The following USO1 variants were observed in gnomAD, a reference collection of about 807,000 sequenced individuals.
The protein encoded by USO1 is USO1 vesicle transport factor.
Under a neutral mutation model 124.5 loss-of-function variants are expected in USO1, and 57 were observed. The observed-to-expected ratio is 0.46, with a 90% CI of 0.37 to 0.57. The LOEUF (loss-of-function observed/expected upper bound fraction) is 0.57. Among genes scored for constraint, USO1 ranks in the 20% least tolerant of loss-of-function variants. The probability of loss-of-function intolerance (pLI) is 0.00; values close to 1 mark genes in which losing one functional copy is unlikely to be tolerated. For missense variants in USO1, 900 were observed against 1,040.6 expected, an observed-to-expected ratio of 0.86 and a Z score of 1.86; for synonymous variants, 369 against 362.8, an observed-to-expected ratio of 1.02 and a Z score of -0.19.
intron 1 of USO1, among the ~76,000 whole-genome samples, chr4:75,745,757 G>A (rs180753725): frequency 1.3e-4 from 19 of 148,052 alleles, no homozygotes; most frequent in East Asian, 1.2e-3. Context: ...AAAATTAGCC[G>A]GACGTAGTGG....
intron 9 of USO1, among the ~76,000 whole-genome samples, chr4:75,785,696 C>G (rs1214243443): frequency 6.6e-6 from 1 of 152,028 alleles, no homozygotes; most frequent in African/African-American, 2.4e-5. Flanking sequence ...TAAAGACACT[C>G]AACTGCTATT....
intron 21 of USO1, among the ~76,000 whole-genome samples, chr4:75,810,080 T>C (rs1723103209): frequency 6.6e-6 from 1 of 152,218 alleles, no homozygotes; most frequent in South Asian, 2.1e-4. Flanking sequence ...GGTGGTAGTA[T>C]GGACTTATAG....
Position 75,770,970 on chromosome 4 carries a change from ATCATTTCCT to A in USO1, c.499+47_499+55del, listed in dbSNP as rs767594342. 7.7e-4 allele frequency: 1,235 copies of A among 1,599,916 alleles called. 4 individuals carry two copies. Among genetic ancestry groups the A allele is most frequent in the Admixed American group, 1.6e-3 (89 of 55,860 alleles). On this transcript the variant is annotated intron_variant, in intron 6 of 23. Coordinates refer to ENST00000514213, the MANE Select transcript of USO1 (RefSeq NM_003715.4). ...ATATTATTTTGATTCAAGCATGAGT[ATCATTTCCT>A]AGAGAAAGGGACTGAAATGGTGTGT...
chr4:75,724,744 G>T lies in USO1; in HGVS notation c.-76G>T. On this transcript the variant is annotated 5_prime_UTR_variant, in exon 1 of 24. In the 5' UTR this introduces an upstream ATG that the reference lacks. Transcript: ENST00000514213. The stretch of plus-strand genomic sequence containing the variant: ...GTGTAGAGTGCGGGATTGGGGCCCA[G>T]GCCCTGCGGAGGGCGGGGGAAGTTG... 1 of 1,504,308 alleles carries T rather than the reference G, an allele frequency of 6.6e-7. No individual in the cohort carries two copies. Among genetic ancestry groups the T allele is most frequent in the Non-Finnish European group, 9.2e-7 (1 of 1,091,770 alleles). The allele number at this position is 1,504,308 out of a possible 1,614,324, so 93.2% of individuals were successfully genotyped here.
rs1178724674 is a variant in USO1, at chr4:75,806,523, C to T, written c.2327C>T (p.Ser776Leu). ...SQTSGTNEQS[S>L]AIVSARDSEQ... ...ACATCTGGCACAAATGAACAGTCTTCAGCAATAGTTTCAGCTAGAGATTCT... is the reference window on the plus strand; with the variant it reads ...ACATCTGGCACAAATGAACAGTCTTTAGCAATAGTTTCAGCTAGAGATTCT... The change falls in exon 20 of 24, where the codon TCA (serine) becomes TTA (leucine). Residue 776 changes from serine to leucine, a missense_variant. This residue lies in a region of USO1 where 362 missense variants were observed against 359.0 expected (regional missense o/e 1.01). Transcript: ENST00000514213. 1.3e-6 allele frequency: 2 copies of T among 1,562,078 alleles called. 1 individual carries two copies. Among genetic ancestry groups the T allele is most frequent in the South Asian group, 2.4e-5 (2 of 84,742 alleles).
intron 1 of USO1, among the ~76,000 whole-genome samples, chr4:75,737,490 G>T (rs1034577772): frequency 6.6e-6 from 1 of 152,066 alleles, no homozygotes; most frequent in African/African-American, 2.4e-5. Flanking sequence ...TACAAAATAA[G>T]AGTGTTAGCT....
intron 1 of USO1, among the ~76,000 whole-genome samples, chr4:75,746,898 G>A (rs1721141302): frequency 6.6e-6 from 1 of 152,044 alleles, no homozygotes; most frequent in Admixed American, 6.6e-5. Context: ...ATATATGATG[G>A]AAATGATAGC....
At chr4:75,769,312 A>G (rs184612590) in intron 4 of USO1, among the ~76,000 whole-genome samples, 5 of 152,320 alleles carry the variant, frequency 3.3e-5, no homozygotes, top group Admixed American at 1.3e-4. Flanking sequence ...ATTAAGAGAA[A>G]TATTTCTTGG....
At chr4:75,804,969 A>T (rs1292571904) in intron 18 of USO1, 171 bp from the exon 19 acceptor site, 2 of 776,606 alleles carry the variant, frequency 2.6e-6, no homozygotes, top group African/African-American at 3.6e-5. Context: ...TCTGGAAAAT[A>T]CTATCAGTTC....
At position 75,770,432 on chromosome 4, in the gene USO1, A is replaced by G; in HGVS notation, c.296-7A>G. ...AAATTGAAATTCTTTATTTTTGAAT[A>G]TTACAGAAGAAAATTCCACAAGACA... On this transcript the variant is annotated splice_polypyrimidine_tract_variant and splice_region_variant and intron_variant, in intron 4 of 23. Transcript: ENST00000514213. 6.5e-7 allele frequency: 1 copy of G among 1,531,138 alleles called. No individual in the cohort carries two copies. The highest frequency in any genetic ancestry group is 1.4e-5 in the African/African-American group (1 of 71,838). 94.8% of individuals were successfully genotyped at this position (1,531,138 alleles called of 1,614,324 possible). A position where few individuals can be genotyped will look rare whatever the true frequency, so the allele number is the denominator to read the frequency against.
chr4:75,734,262 G>A (rs547532895), intron 1 of USO1, among the ~76,000 whole-genome samples: 1 of 152,044 alleles, frequency 6.6e-6, no homozygotes, highest in Admixed American at 6.6e-5. Flanking sequence ...GCTTTTTATA[G>A]TTTTAGGTCT....
In USO1 at chr4:75,759,321, C is replaced by T. The variant is rs111633005; in HGVS notation, c.295+1748C>T. The stretch of plus-strand genomic sequence containing the variant: ...TAAAAAGTAGACATTGGGCTGGGCG[C>T]GGTGGCTCGCGCCTGTAATCCCAGC... On this transcript the variant is annotated intron_variant, in intron 4 of 23. Transcript: ENST00000514213. 8.9e-3 allele frequency among the ~76,000 whole-genome samples: 1,132 copies of T among 126,484 alleles called. 15 individuals carry two copies. The highest frequency in any genetic ancestry group is 0.031 in the African/African-American group (1,059 of 34,186). 83.0% of individuals were successfully genotyped at this position (126,484 alleles called of 152,430 possible). A position where few individuals can be genotyped will look rare whatever the true frequency, so the allele number is the denominator to read the frequency against.
intron 20 of USO1, among the ~76,000 whole-genome samples, chr4:75,807,945 A>G (rs192988107): frequency 6.6e-6 from 1 of 152,166 alleles, no homozygotes; most frequent in Admixed American, 6.5e-5. Context: ...GTAAAGTACT[A>G]TATATAGAAA....
chr4:75,735,181 G>C (rs373558619), intron 1 of USO1, among the ~76,000 whole-genome samples: 22 of 152,190 alleles, frequency 1.4e-4, no homozygotes, highest in Non-Finnish European at 1.5e-4. Flanking sequence ...GTGTGTGTGT[G>C]TGTCTGTCTG....
intron 1 of USO1, 107 bp downstream of exon 1, chr4:75,724,992 C>CATGTGG: frequency 8.3e-6 from 10 of 1,198,966 alleles, no homozygotes; most frequent in South Asian, 1.4e-5. Context: ...ATGGAGGGGG[C>CATGTGG]ATCCACATGC....
At chr4:75,745,619 G>A (rs1311209878) in intron 1 of USO1, among the ~76,000 whole-genome samples, 3 of 152,144 alleles carry the variant, frequency 2.0e-5, no homozygotes, top group Non-Finnish European at 4.4e-5. Context: ...TTAGTTTGTA[G>A]CCAGGCGCAG....
chr4:75,759,240 A>G (rs1469503399), intron 4 of USO1, among the ~76,000 whole-genome samples: 2 of 18,660 alleles, frequency 1.1e-4, no homozygotes, highest in Admixed American at 8.9e-4. Context: ...CACTTTTATT[A>G]AGGACCTTTT....
At chr4:75,734,874 A>C (rs1160028234) in intron 1 of USO1, among the ~76,000 whole-genome samples, 1 of 151,342 alleles carries the variant, frequency 6.6e-6, no homozygotes. Context: ...GATTACAGGC[A>C]CCCACCACCA....
At chr4:75,777,501 A>C (rs899763318) in intron 8 of USO1, among the ~76,000 whole-genome samples, 2 of 152,214 alleles carry the variant, frequency 1.3e-5, no homozygotes, top group Non-Finnish European at 2.9e-5. Flanking sequence ...AAAAATAAGA[A>C]AACAATAAGC....
Sources: gnomAD v4.1 joint callset for allele counts (sites outside exome capture counted in the v4.1 genomes callset) on GRCh38, gnomAD v4.1.1 for gene constraint, gnomAD v4.1.1 regional missense constraint, MANE v1.5 for transcripts, NCBI Gene and HGNC (gene_info 2026-07-23, HGNC 2026-07-21) for gene names.